The following CDH18 variants were observed in gnomAD, a reference collection of about 807,000 sequenced individuals.
CDH18 encodes the protein cadherin 18, also known as cadherin-18.
A neutral mutation model predicts 67.9 loss-of-function variants in CDH18; 31 were observed. The ratio of observed to expected loss-of-function variants is 0.46; its 90% CI spans 0.34 to 0.62. The LOEUF is 0.62. CDH18 is among the 20% of genes least tolerant of loss of function. CDH18 has a pLI of 0.01. For synonymous variants in CDH18, 362 were observed against 347.2 expected, an observed-to-expected ratio of 1.04 and a Z score of -0.48; for missense variants, 890 against 975.5, an observed-to-expected ratio of 0.91 and a Z score of 1.17.
chr5:20,301,789 C>CTTTTTTTTTTTTTTTTTT (rs59276117), intron 1 of CDH18, among the ~76,000 whole-genome samples: 32 of 128,126 alleles, frequency 2.5e-4, no homozygotes, highest in East Asian at 4.9e-4. Flanking sequence ...TTTCTTTTTT[C>CTTTTTTTTTTTTTTTTTT]TTTTTTTTTT....
intron 1 of CDH18, among the ~76,000 whole-genome samples, chr5:20,473,219 AAAAAAC>A (rs1275549036): frequency 6.6e-6 from 1 of 152,158 alleles, no homozygotes; most frequent in Non-Finnish European, 1.5e-5. Flanking sequence ...GATATTTGTT[AAAAAAC>A]AAAAACAAAA....
At chr5:19,927,671 G>C (rs1382643025) in intron 2 of CDH18, among the ~76,000 whole-genome samples, 5 of 152,052 alleles carry the variant, frequency 3.3e-5, no homozygotes, top group African/African-American at 1.2e-4. Flanking sequence ...TTCTAATGCA[G>C]ACATGTAATT....
chr5:20,282,286 C>T (rs1381875781), intron 1 of CDH18, among the ~76,000 whole-genome samples: 1 of 152,056 alleles, frequency 6.6e-6, no homozygotes, highest in African/African-American at 2.4e-5. Context: ...ATCCCTGTCT[C>T]GTGCCAGTTT....
At chr5:20,313,411 C>A (rs2149993406) in intron 1 of CDH18, among the ~76,000 whole-genome samples, 1 of 152,064 alleles carries the variant, frequency 6.6e-6, no homozygotes, top group African/African-American at 2.4e-5. Context: ...ATCTTCATTT[C>A]TTTTCTGAAA....
intron 1 of CDH18, among the ~76,000 whole-genome samples, chr5:20,336,737 A>AAAAAAAAAC: frequency 9.5e-6 from 1 of 104,882 alleles, no homozygotes; most frequent in Non-Finnish European, 2.3e-5. Context: ...AAAAAAAAAA[A>AAAAAAAAAC]AAAAAAAAAA....
chr5:19,534,773 A>C (rs1407247260), intron 9 of CDH18, among the ~76,000 whole-genome samples: 2 of 152,112 alleles, frequency 1.3e-5, no homozygotes, highest in Non-Finnish European at 2.9e-5. Flanking sequence ...ATATTTAATA[A>C]TATTAAATAC....
chr5:20,509,341 G>A (rs945000339), intron 1 of CDH18, among the ~76,000 whole-genome samples: 3 of 151,086 alleles, frequency 2.0e-5, no homozygotes, highest in African/African-American at 7.3e-5. Flanking sequence ...GTCCTTTTGT[G>A]CCTAGCTTAT....
intron 2 of CDH18, among the ~76,000 whole-genome samples, chr5:20,093,360 T>TC (rs889386648): frequency 5.3e-5 from 8 of 151,726 alleles, no homozygotes; most frequent in Admixed American, 5.3e-4. Flanking sequence ...TGTATTCTTT[T>TC]TTTTTTTCTG....
chr5:19,606,128 C>T (rs1747997558), intron 6 of CDH18, among the ~76,000 whole-genome samples: 1 of 151,218 alleles, frequency 6.6e-6, no homozygotes, highest in South Asian at 2.1e-4. Flanking sequence ...GAGCTACTTC[C>T]CGGAAGTAAG....
chr5:20,235,006 A>G (rs941355127), intron 2 of CDH18, among the ~76,000 whole-genome samples: 1 of 152,134 alleles, frequency 6.6e-6, no homozygotes, highest in African/African-American at 2.4e-5. Context: ...TAAGTCTAGA[A>G]GTCCTATATT....
At chr5:20,283,781 G>T (rs749719543) in intron 1 of CDH18, among the ~76,000 whole-genome samples, 3 of 151,940 alleles carry the variant, frequency 2.0e-5, no homozygotes, top group Non-Finnish European at 4.4e-5. Context: ...AAATTAGTAT[G>T]GCAAAGATAT....
chr5:19,899,300 T>G (rs1789675794), intron 2 of CDH18, among the ~76,000 whole-genome samples: 1 of 150,954 alleles, frequency 6.6e-6, no homozygotes, highest in South Asian at 2.1e-4. Flanking sequence ...CTCGGGAGGC[T>G]GAGGCAGGAG....
rs187268977 is a variant in CDH18, at chr5:20,077,640, A to C, written c.-517-85626T>G. 3.3e-5 allele frequency among the ~76,000 whole-genome samples: 5 copies of C among 152,342 alleles called. No homozygotes were observed. The East Asian group carries it at 7.7e-4, about 24-fold the overall frequency. On this transcript the variant is annotated intron_variant, in intron 2 of 14. Transcript: ENST00000507958. ...GTTGGAAAAGAAGAATTGTTTTTAAAACTTCAGAAGAAAAAATAAGCAACA... is the reference window on the plus strand; with the variant it reads ...GTTGGAAAAGAAGAATTGTTTTTAACACTTCAGAAGAAAAAATAAGCAACA...
intron 3 of CDH18, among the ~76,000 whole-genome samples, chr5:19,750,066 T>C (rs549990323): frequency 5.2e-4 from 79 of 152,234 alleles, no homozygotes; most frequent in African/African-American, 1.7e-3. Flanking sequence ...ATGATCATTT[T>C]ATTAATGAAA....
At chr5:20,468,273 C>T (rs1489960295) in intron 1 of CDH18, among the ~76,000 whole-genome samples, 2 of 152,146 alleles carry the variant, frequency 1.3e-5, no homozygotes, top group East Asian at 3.9e-4. Context: ...GCCTTGGCCT[C>T]CCAAAGCATT....
At chr5:19,857,402 T>G (rs2149960107) in intron 2 of CDH18, among the ~76,000 whole-genome samples, 1 of 152,318 alleles carries the variant, frequency 6.6e-6, no homozygotes, top group East Asian at 1.9e-4. Flanking sequence ...ATTTGCATCT[T>G]AACTTCTTCA....
At chr5:19,606,459 C>T (rs772602161) in intron 6 of CDH18, among the ~76,000 whole-genome samples, 1 of 151,996 alleles carries the variant, frequency 6.6e-6, no homozygotes, top group Non-Finnish European at 1.5e-5. Flanking sequence ...GGAATTTCAA[C>T]AGATACCAAT....
chr5:19,817,772 A>G (rs961063503), intron 3 of CDH18, among the ~76,000 whole-genome samples: 1 of 152,094 alleles, frequency 6.6e-6, no homozygotes, highest in Non-Finnish European at 1.5e-5. Context: ...TTTTTGAGGT[A>G]GACTTCTTAC....
At chr5:19,602,323 C>T (rs1048226261) in intron 6 of CDH18, among the ~76,000 whole-genome samples, 10 of 151,894 alleles carry the variant, frequency 6.6e-5, no homozygotes, top group African/African-American at 1.9e-4. Context: ...AAAGCAATTC[C>T]GTTCTTAATA....
Sources: allele counts gnomAD v4.1 joint callset (sites outside exome capture counted in the v4.1 genomes callset), GRCh38; gene constraint gnomAD v4.1.1; transcripts MANE v1.5; gene names NCBI Gene and HGNC (gene_info 2026-07-23, HGNC 2026-07-21).